AGL: variants seen among roughly 807,000 people sequenced by gnomAD.
AGL encodes glycogen debranching enzyme.
A neutral mutation model predicts 199.3 loss-of-function variants in AGL; 128 were observed. The observed-to-expected ratio is 0.64, with a 90% CI of 0.56 to 0.74. AGL has a LOEUF of 0.74. AGL is among the 30% of genes least tolerant of loss of function. The pLI, the probability that AGL is intolerant of heterozygous loss-of-function variation, is 0.00. For missense variants in AGL, 1,809 were observed against 1,820.8 expected (o/e 0.99, Z 0.12); for synonymous variants, 584 against 594.7 (o/e 0.98, Z 0.26).
chr1:99,916,843 T>A, intron 33 of AGL, 112 bp downstream of exon 33: 1 of 1,140,120 alleles, frequency 8.8e-7, no homozygotes. Flanking sequence ...GGTATCCCAA[T>A]GAAAAGTGAA....
intron 2 of AGL, among the ~76,000 whole-genome samples, chr1:99,855,971 A>G (rs2101065599): frequency 6.6e-6 from 1 of 152,306 alleles, no homozygotes; most frequent in South Asian, 2.1e-4. Context: ...GTGGAGGGGA[A>G]AAGATAGAAC....
chr1:99,858,084 T>TA (rs1217936149), intron 2 of AGL, among the ~76,000 whole-genome samples: 1 of 152,180 alleles, frequency 6.6e-6, no homozygotes, highest in Non-Finnish European at 1.5e-5. Context: ...GCATTGCACT[T>TA]TTACTTAAGC....
rs1250165946 is a variant in AGL at position 99,921,576 on chromosome 1, C to T, written c.4524C>T (p.Ala1508=). 1.2e-6 allele frequency: 2 copies of T among 1,612,944 alleles called. No homozygotes were observed. Among genetic ancestry groups the T allele is most frequent in the African/African-American group, 2.7e-5 (2 of 74,862 alleles). The stretch of plus-strand genomic sequence containing the variant: ...TTCCAGAACTGACCAATGAGAATGC[C>T]CAGTACTGTCCTTTCAGCTGTGAAA... The part of the protein sequence containing the change: ...KGLPELTNEN[A]QYCPFSCETQ... Residue 1508 remains alanine, a synonymous_variant, in exon 34 of 34, where the codon GCC becomes GCT. Transcript: ENST00000361915.
In AGL at chr1:99,917,129, G is replaced by C. The variant is rs564362600; in HGVS notation, c.4481+398G>C. ...TGCTTTCATTATAGTTAAAATATCAGAACTGGTCTTTTGCCTGTTAGTTCA... is the reference window on the plus strand; with the variant it reads ...TGCTTTCATTATAGTTAAAATATCACAACTGGTCTTTTGCCTGTTAGTTCA... On this transcript the variant is annotated intron_variant, in intron 33 of 33. Coordinates refer to ENST00000361915, the MANE Select transcript of AGL (RefSeq NM_000642.3). 3.3e-5 allele frequency among the ~76,000 whole-genome samples: 5 copies of C among 152,246 alleles called. No individual in the cohort carries two copies. The South Asian group carries it at 1.0e-3, about 32-fold the overall frequency.
rs1655527251 is a variant in AGL, at chr1:99,921,752, TCA to T, written c.*102_*103del. On this transcript the variant is annotated 3_prime_UTR_variant, in exon 34 of 34. Coordinates refer to ENST00000361915, the MANE Select transcript of AGL (RefSeq NM_000642.3). ...ACAGGCTCAAGTTGTTTTAAAAATC[TCA>T]TTTATTATAATATTGATGCTCAATT... 2.6e-6 allele frequency: 2 copies of T among 756,462 alleles called. No homozygotes were observed. The highest frequency in any genetic ancestry group is 4.4e-6 in the Non-Finnish European group (2 of 458,906). The allele number at this position is 756,462 out of a possible 1,614,324, so 46.9% of individuals were successfully genotyped here.
At position 99,900,703 on chromosome 1, in the gene AGL, A is replaced by G. The variant is rs1653758113; in HGVS notation, c.3430A>G (p.Ile1144Val). Reference sequence around the variant, plus strand: ...CATTCCTAATCTACTGGGTGAAGGAATTTATGCCAGATACAATTGTCGGGA... The same window carrying G: ...CATTCCTAATCTACTGGGTGAAGGAGTTTATGCCAGATACAATTGTCGGGA... ...GLIPNLLGEG[I>V]YARYNCRDAV... The change falls in exon 26 of 34, where the codon ATT becomes GTT. Residue 1144 changes from isoleucine to valine, a missense_variant. Coordinates refer to ENST00000361915, the MANE Select transcript of AGL (RefSeq NM_000642.3). 1.2e-6 allele frequency: 2 copies of G among 1,614,046 alleles called. No homozygotes were observed. The highest frequency in any genetic ancestry group is 1.3e-5 in the African/African-American group (1 of 74,998).
chr1:99,898,358 A>G lies in AGL; in HGVS notation c.3362+1970A>G, dbSNP rs545185963. 2.0e-5 allele frequency among the ~76,000 whole-genome samples: 3 copies of G among 152,156 alleles called. No homozygotes were observed. The South Asian group carries it at 6.2e-4, about 32-fold the overall frequency. On this transcript the variant is annotated intron_variant, in intron 25 of 33. Coordinates refer to ENST00000361915, the MANE Select transcript of AGL (RefSeq NM_000642.3). ...ACTGCGCCCTACCAGAATAGCTTTT[A>G]CCTTTTTCTTTTTAAAGGGTCATTT...
At chr1:99,914,438 A>C (rs748251243) in intron 30 of AGL, among the ~76,000 whole-genome samples, 9 of 152,388 alleles carry the variant, frequency 5.9e-5, no homozygotes, top group Admixed American at 3.3e-4. Flanking sequence ...TAGTCTAAAA[A>C]TAAACTACAA....
Position 99,869,661 on chromosome 1 carries a change from T to A in AGL, c.665-739T>A, listed in dbSNP as rs542967787. Among the ~76,000 whole-genome samples, 3 of 152,350 alleles carry A rather than the reference T, an allele frequency of 2.0e-5. No individual in the cohort carries two copies. The East Asian group carries it at 5.8e-4, about 29-fold the overall frequency. On this transcript the variant is annotated intron_variant, in intron 5 of 33. Coordinates refer to ENST00000361915, the MANE Select transcript of AGL (RefSeq NM_000642.3). ...AGTGTATTTAACTGCTTAGAACAAT[T>A]TCTGGTATGTGGTAAATATTCAGTA...
chr1:99,862,394 A>C lies in AGL; in HGVS notation c.431A>C (p.Glu144Ala). The C allele has an allele frequency of 1.2e-6, 2 of 1,614,154 alleles. No homozygotes were observed. The highest frequency in any genetic ancestry group is 3.3e-5 in the Admixed American group (2 of 60,022). The change falls in exon 4 of 34, where the codon GAA becomes GCA. Residue 144 changes from glutamate (E) to alanine (A), a missense_variant. Coordinates refer to ENST00000361915, the MANE Select transcript of AGL (RefSeq NM_000642.3). ...TGTTTGGGACCTTTTGATGAATGGGAAAGCAGACTTAGGGTTGCAAAAGAA... is the reference window on the plus strand; with the variant it reads ...TGTTTGGGACCTTTTGATGAATGGGCAAGCAGACTTAGGGTTGCAAAAGAA... Reference protein sequence around the residue: ...AKCLGPFDEWESRLRVAKESG... With the variant: ...AKCLGPFDEWASRLRVAKESG...
chr1:99,883,997 TA>T (rs1557766584), intron 17 of AGL, 122 bp from the exon 18 acceptor site: 135 of 816,194 alleles, frequency 1.7e-4, no homozygotes, highest in Non-Finnish European at 2.3e-4. Flanking sequence ...TTCAGACTTC[TA>T]AAAAAAAGTA....
At chr1:99,918,783 T>C (rs1370466305) in intron 33 of AGL, among the ~76,000 whole-genome samples, 2 of 152,212 alleles carry the variant, frequency 1.3e-5, no homozygotes, top group East Asian at 3.8e-4. Flanking sequence ...TTAAGCTTGT[T>C]AGACCTGACC....
At chr1:99,889,388 A>C (rs1040548050) in intron 21 of AGL, among the ~76,000 whole-genome samples, 4 of 152,056 alleles carry the variant, frequency 2.6e-5, no homozygotes, top group African/African-American at 9.7e-5. Flanking sequence ...CTCATTTTTA[A>C]TACAAAATGT....
intron 20 of AGL, among the ~76,000 whole-genome samples, chr1:99,887,124 A>G (rs986823146): frequency 2.6e-5 from 4 of 152,200 alleles, no homozygotes; most frequent in African/African-American, 7.2e-5. Context: ...ACAGATGACA[A>G]TGATTTTCTA....
intron 29 of AGL, 94 bp from the exon 30 acceptor site, chr1:99,913,433 G>A (rs1654893972): frequency 3.7e-6 from 4 of 1,078,920 alleles, no homozygotes; most frequent in Non-Finnish European, 5.5e-6. Context: ...CCTTGTAGTA[G>A]ATAAAAATAA....
At position 99,861,565 on chromosome 1, in the gene AGL, A is replaced by G. The variant is rs751982392; in HGVS notation, c.145A>G (p.Asn49Asp). 12 of 1,614,020 alleles carry G rather than the reference A, an allele frequency of 7.4e-6. No individual in the cohort carries two copies. In the South Asian group the frequency reaches 1.3e-4, roughly 18 times the overall value. The change falls in exon 3 of 34, where the codon AAT becomes GAT. Residue 49 changes from asparagine (N) to aspartate (D), a missense_variant. Asn to Asp is a conservative substitution (Grantham distance 23, BLOSUM62 1). Coordinates refer to ENST00000361915, the MANE Select transcript of AGL (RefSeq NM_000642.3). ...LQGKAVTVYTNYPFPGETFNR... is the reference protein window; with the variant it reads ...LQGKAVTVYTDYPFPGETFNR... The stretch of plus-strand genomic sequence containing the variant: ...GGGAAAAGCAGTTACCGTGTATACA[A>G]ATTACCCATTTCCTGGAGAAACATT...
At chr1:99,863,447 T>C (rs1056443816) in intron 4 of AGL, among the ~76,000 whole-genome samples, 1 of 152,174 alleles carries the variant, frequency 6.6e-6, no homozygotes, top group Admixed American at 6.5e-5. Flanking sequence ...GTTAACCATC[T>C]TTTGTGTAGA....
intron 29 of AGL, 60 bp from the exon 30 acceptor site, chr1:99,913,467 A>G: frequency 7.6e-7 from 1 of 1,321,414 alleles, no homozygotes; most frequent in East Asian, 2.4e-5. Context: ...ATTTGTCTGT[A>G]ACTAGATGTG....
In AGL at chr1:99,920,078, A is replaced by G. The variant is rs534271144; in HGVS notation, c.4482-1456A>G. Among the ~76,000 whole-genome samples, 4 of 152,354 alleles carry G rather than the reference A, an allele frequency of 2.6e-5. No homozygotes were observed. In the South Asian group the frequency reaches 8.3e-4, roughly 32 times the overall value. ...GATACATTCCATGTCCTAGTGTCCA[A>G]GTGTAATTATGGGCAGCATATTCAT... On this transcript the variant is annotated intron_variant, in intron 33 of 33. Transcript: ENST00000361915.
Sources: gnomAD v4.1 joint callset for allele counts (sites outside exome capture counted in the v4.1 genomes callset) on GRCh38, gnomAD v4.1.1 for gene constraint, MANE v1.5 for transcripts, NCBI Gene and HGNC (gene_info 2026-07-23, HGNC 2026-07-21) for gene names.